Variants in FANCL observed in about 807,000 individuals in gnomAD.
The protein encoded by FANCL is FA complementation group L.
In FANCL, 69 loss-of-function variants were observed where a neutral mutation model predicts 59.4. That is an observed-to-expected ratio of 1.16 (90% confidence interval 0.96 to 1.42). The LOEUF is 1.42. Ranked by LOEUF, FANCL falls within the 40% of genes most tolerant of loss-of-function variation. The pLI, the probability that FANCL is intolerant of heterozygous loss-of-function variation, is 0.00. For missense variants in FANCL, 519 were observed against 447.2 expected (o/e 1.16, Z -1.45); for synonymous variants, 180 against 147.1 (o/e 1.22, Z -1.62).
chr2:58,177,565 G>A (rs1687466358), intron 7 of FANCL, among the ~76,000 whole-genome samples: 1 of 145,646 alleles, frequency 6.9e-6, no homozygotes, highest in African/African-American at 2.5e-5. Context: ...CTCACTCATA[G>A]GTGGGAATTG....
At chr2:58,219,140 TAAAAAAAAAAAAAAA>T (rs70954881) in intron 5 of FANCL, among the ~76,000 whole-genome samples, 16 of 16,594 alleles carry the variant, frequency 9.6e-4, no homozygotes, top group African/African-American at 1.8e-3. Context: ...AAATACATGC[TAAAAAAAAAAAAAAA>T]AAAAAAAAAA....
intron 8 of FANCL, 78 bp from the exon 9 acceptor site, chr2:58,163,595 G>C (rs1419945688): frequency 2.3e-6 from 2 of 884,404 alleles, no homozygotes; most frequent in East Asian, 5.2e-5. Flanking sequence ...AGAGGTGTTG[G>C]TCTGGCTACC....
intron 7 of FANCL, among the ~76,000 whole-genome samples, chr2:58,191,813 C>A (rs114954821): frequency 0.051 from 7,719 of 151,962 alleles, 250 homozygotes; most frequent in Non-Finnish European, 0.076. Flanking sequence ...TGCATTAACT[C>A]CCTACATCAC....
Position 58,204,209 on chromosome 2 carries a change from G to C in FANCL, c.392C>G (p.Thr131Ser). 6.2e-7 allele frequency: 1 copy of C among 1,613,032 alleles called. No individual in the cohort carries two copies. Among genetic ancestry groups the C allele is most frequent in the Non-Finnish European group, 8.5e-7 (1 of 1,179,178 alleles). ...LGWDKLVYAD[T>S]CFSTIKLKAE... ...TTTTAACTTGATGGTACTGAAGCAG[G>C]TATCCGCATACACAAGTCTGGTGAG... The change falls in exon 6 of 14, where the codon ACC becomes AGC. Residue 131 changes from threonine (T) to serine (S), a missense_variant. By Grantham distance (58) the Thr-to-Ser change is moderately conservative. Coordinates refer to ENST00000233741, the MANE Select transcript of FANCL (RefSeq NM_018062.4).
intron 5 of FANCL, among the ~76,000 whole-genome samples, chr2:58,207,990 T>C (rs537092533): frequency 1.6e-4 from 24 of 152,326 alleles, no homozygotes; most frequent in African/African-American, 5.8e-4. Context: ...GCTGAAAAGT[T>C]TGAGGTTGCA....
At chr2:58,170,923 G>C (rs1293054911) in intron 7 of FANCL, among the ~76,000 whole-genome samples, 2 of 151,990 alleles carry the variant, frequency 1.3e-5, no homozygotes, top group Non-Finnish European at 2.9e-5. Context: ...CACAATAATA[G>C]TGGGAGACTG....
chr2:58,215,038 C>T (rs1187400581), intron 5 of FANCL, among the ~76,000 whole-genome samples: 2 of 152,206 alleles, frequency 1.3e-5, no homozygotes, highest in Admixed American at 6.5e-5. Context: ...AAAACTAGAA[C>T]ATTTCCTCTG....
chr2:58,163,425 A>C lies in FANCL; in HGVS notation c.775+9T>G. On this transcript the variant is annotated intron_variant, in intron 9 of 13. Coordinates refer to ENST00000233741, the MANE Select transcript of FANCL (RefSeq NM_018062.4). ...CTATTAAAAAACGTTTAAATCTCAG[A>C]TGTCATACCATGGTCAGCTCCAAGA... 6.3e-7 allele frequency: 1 copy of C among 1,587,790 alleles called. No homozygotes were observed. The highest frequency in any genetic ancestry group is 8.6e-7 in the Non-Finnish European group (1 of 1,156,352).
intron 6 of FANCL, among the ~76,000 whole-genome samples, chr2:58,202,239 T>TTA (rs565052298): frequency 9.4e-6 from 1 of 106,094 alleles, no homozygotes. Context: ...ACCTTTTTCC[T>TTA]AAAAAAAAAA....
At chr2:58,163,343 A>G in intron 9 of FANCL, 91 bp downstream of exon 9, 2 of 926,596 alleles carry the variant, frequency 2.2e-6, no homozygotes, top group Non-Finnish European at 3.4e-6. Flanking sequence ...AAAAACTACC[A>G]TTAATATACT....
At chr2:58,217,514 GAGC>G (rs1366235231) in intron 5 of FANCL, among the ~76,000 whole-genome samples, 2 of 151,666 alleles carry the variant, frequency 1.3e-5, no homozygotes, top group African/African-American at 4.8e-5. Context: ...AAATGGTAAA[GAGC>G]AGTTTTTAAA....
intron 5 of FANCL, among the ~76,000 whole-genome samples, chr2:58,207,962 G>A (rs569562429): frequency 6.6e-6 from 1 of 152,238 alleles, no homozygotes; most frequent in South Asian, 2.1e-4. Context: ...AGGAAACTGA[G>A]GCAGAAGGTT....
chr2:58,184,277 CTT>C, intron 7 of FANCL, among the ~76,000 whole-genome samples: 1 of 151,936 alleles, frequency 6.6e-6, no homozygotes, highest in African/African-American at 2.4e-5. Context: ...AATCAAAAAC[CTT>C]TTATATGAGA....
chr2:58,214,034 T>C (rs1230147645), intron 5 of FANCL, among the ~76,000 whole-genome samples: 2 of 152,160 alleles, frequency 1.3e-5, no homozygotes, highest in African/African-American at 4.8e-5. Context: ...TATACACTTG[T>C]TTTATAGAAA....
At chr2:58,228,724 G>A (rs1482765604) in intron 3 of FANCL, among the ~76,000 whole-genome samples, 1 of 152,118 alleles carries the variant, frequency 6.6e-6, no homozygotes, top group Admixed American at 6.5e-5. Context: ...TATTCACTGG[G>A]ACTGTAAAAT....
chr2:58,169,408 T>C (rs1417669027), intron 7 of FANCL, among the ~76,000 whole-genome samples: 1 of 151,944 alleles, frequency 6.6e-6, no homozygotes, highest in East Asian at 1.9e-4. Flanking sequence ...AAGTCAACAA[T>C]ATCAAAGACC....
At position 58,194,007 on chromosome 2, in the gene FANCL, G is replaced by T. The variant is rs569858511; in HGVS notation, c.540+4587C>A. 5.8e-3 allele frequency among the ~76,000 whole-genome samples: 886 copies of T among 152,234 alleles called. 10 individuals are homozygous for T. The highest frequency in any genetic ancestry group is 0.02 in the African/African-American group (836 of 41,540). The stretch of plus-strand genomic sequence containing the variant: ...ATGCTCCCTGCTATGTAATAGGACT[G>T]ACTCCTTTAATTACAAATTCTTCAT... On this transcript the variant is annotated intron_variant, in intron 7 of 13. Transcript: ENST00000233741.
chr2:58,239,990 A>G (rs981329548), intron 1 of FANCL, among the ~76,000 whole-genome samples: 6 of 152,206 alleles, frequency 3.9e-5, no homozygotes, highest in Non-Finnish European at 7.4e-5. Flanking sequence ...AGCAATGGTC[A>G]TAAAAGAAAC....
chr2:58,213,967 T>C (rs1388564898), intron 5 of FANCL, among the ~76,000 whole-genome samples: 2 of 152,284 alleles, frequency 1.3e-5, no homozygotes, highest in Middle Eastern at 3.4e-3. Context: ...GGGACAACTC[T>C]AGGGAGCATC....
Sources: allele counts gnomAD v4.1 joint callset (sites outside exome capture counted in the v4.1 genomes callset), GRCh38; gene constraint gnomAD v4.1.1; transcripts MANE v1.5; gene names NCBI Gene and HGNC (gene_info 2026-07-23, HGNC 2026-07-21).